Variants in DYNC2H1 observed in about 807,000 individuals in gnomAD.
The protein encoded by DYNC2H1 is dynein cytoplasmic 2 heavy chain 1, also known as cytoplasmic dynein 2 heavy chain 1.
In DYNC2H1, 410 loss-of-function variants were observed where a neutral mutation model predicts 570.0. The ratio of observed to expected loss-of-function variants is 0.72; its 90% CI spans 0.66 to 0.78. The LOEUF is 0.78. DYNC2H1 is among the 30% of genes least tolerant of loss of function. DYNC2H1 has a pLI of 0.00. For missense variants in DYNC2H1, 4,865 were observed against 5,046.4 expected, an observed-to-expected ratio of 0.96 and a Z score of 1.09; for synonymous variants, 1,688 against 1,677.6, an observed-to-expected ratio of 1.01 and a Z score of -0.15.
chr11:103,469,180 A>T (rs1945290353), intron 88 of DYNC2H1, among the ~76,000 whole-genome samples: 1 of 152,226 alleles, frequency 6.6e-6, no homozygotes, highest in South Asian at 2.1e-4. Flanking sequence ...GTGTTAATAG[A>T]TGTATGGCTT....
intron 84 of DYNC2H1, among the ~76,000 whole-genome samples, chr11:103,418,963 T>C (rs1373163612): frequency 6.6e-6 from 1 of 152,140 alleles, no homozygotes. Context: ...TCCAGTCCTG[T>C]GCTACCCAGC....
At chr11:103,291,204 A>G (rs1168163390) in intron 75 of DYNC2H1, among the ~76,000 whole-genome samples, 3 of 152,160 alleles carry the variant, frequency 2.0e-5, no homozygotes, top group Non-Finnish European at 4.4e-5. Flanking sequence ...TTGGGAGGCC[A>G]AGGTGGGCAG....
chr11:103,252,605 G>A lies in DYNC2H1; in HGVS notation c.10043-680G>A, dbSNP rs1014796874. Among the ~76,000 whole-genome samples the A allele has an allele frequency of 1.3e-5, 2 of 152,154 alleles. No individual in the cohort carries two copies. The highest frequency in any genetic ancestry group is 4.8e-5 in the African/African-American group (2 of 41,440). On this transcript the variant is annotated intron_variant, in intron 65 of 88. Coordinates refer to ENST00000375735, the MANE Select transcript of DYNC2H1 (RefSeq NM_001377.3). The surrounding 1 kb of genome is among the most constrained non-coding windows in gnomAD (Gnocchi z 4.6). ...ATTTCCTCATGATAAGTGATGTTGA[G>A]CATCGTTTCATATAGCTGTTGGCCA...
chr11:103,380,031 C>T (rs909880900), intron 83 of DYNC2H1, among the ~76,000 whole-genome samples: 2 of 152,136 alleles, frequency 1.3e-5, no homozygotes, highest in Non-Finnish European at 2.9e-5. Flanking sequence ...TTTAGTTTTA[C>T]AGTTTATCAT....
intron 29 of DYNC2H1, among the ~76,000 whole-genome samples, chr11:103,161,805 T>C (rs1173950931): frequency 6.6e-6 from 1 of 152,136 alleles, no homozygotes; most frequent in African/African-American, 2.4e-5. Context: ...AGTAAACTGA[T>C]CAAAGGCCTA....
intron 85 of DYNC2H1, among the ~76,000 whole-genome samples, chr11:103,445,729 G>T (rs1173662424): frequency 6.6e-6 from 1 of 152,148 alleles, no homozygotes; most frequent in African/African-American, 2.4e-5. Context: ...TCAGCTCATT[G>T]CAAGCTCTGC....
At chr11:103,311,747 CAT>C (rs1867598150) in intron 78 of DYNC2H1, 129 bp from the exon 79 acceptor site, 2 of 783,530 alleles carry the variant, frequency 2.6e-6, no homozygotes, top group African/African-American at 3.6e-5. Context: ...TTTGAAGTAA[CAT>C]AATAATTTAA....
At chr11:103,198,572 G>A (rs1862592476) in intron 48 of DYNC2H1, among the ~76,000 whole-genome samples, 1 of 152,144 alleles carries the variant, frequency 6.6e-6, no homozygotes, top group Non-Finnish European at 1.5e-5. Flanking sequence ...AAACAGTATT[G>A]CAAATGATTG....
chr11:103,471,535 AAT>A (rs1162285964), intron 88 of DYNC2H1, among the ~76,000 whole-genome samples: 73 of 152,320 alleles, frequency 4.8e-4, no homozygotes, highest in African/African-American at 1.7e-3. Context: ...TTGAGGATTA[AAT>A]ATGTTTGTGT....
intron 83 of DYNC2H1, among the ~76,000 whole-genome samples, chr11:103,388,288 G>T (rs1941979546): frequency 6.6e-6 from 1 of 152,088 alleles, no homozygotes; most frequent in Non-Finnish European, 1.5e-5. Flanking sequence ...GTTCACTCAT[G>T]ATTTGGCTCT....
intron 88 of DYNC2H1, 22 bp downstream of exon 88, chr11:103,468,727 C>A: frequency 6.5e-7 from 1 of 1,536,762 alleles, no homozygotes. Flanking sequence ...TTAACAAGCA[C>A]AAGTTTTAAT....
Position 103,163,234 on chromosome 11 carries a change from A to C in DYNC2H1, c.4611+87A>C. ...AAGCCAGGAGGCTCAGATAAATCGC[A>C]TCTGTTTTCTCCCTTTATCTAACAG... is the stretch of plus-strand genomic sequence containing the variant. On this transcript the variant is annotated intron_variant, in intron 30 of 88. Transcript: ENST00000375735. This position sits in a 1 kb window ranked among gnomAD's most constrained non-coding sequence, Gnocchi z 4.6. 1 of 1,430,352 alleles carries C rather than the reference A, an allele frequency of 7.0e-7. No individual in the cohort carries two copies. The highest frequency in any genetic ancestry group is 9.4e-7 in the Non-Finnish European group (1 of 1,069,068). The allele number at this position is 1,430,352 out of a possible 1,614,324, so 88.6% of individuals were successfully genotyped here. A position where few individuals can be genotyped will look rare whatever the true frequency, so the allele number is the denominator to read the frequency against.
At chr11:103,111,601 T>G (rs1188226076) in intron 1 of DYNC2H1, among the ~76,000 whole-genome samples, 2 of 152,154 alleles carry the variant, frequency 1.3e-5, no homozygotes, top group Non-Finnish European at 1.5e-5. Flanking sequence ...CCACTGAAAG[T>G]TCGGATAGAA....
chr11:103,410,837 G>A (rs939817751), intron 84 of DYNC2H1, among the ~76,000 whole-genome samples: 1 of 152,080 alleles, frequency 6.6e-6, no homozygotes, highest in Non-Finnish European at 1.5e-5. Flanking sequence ...TGGCTGGCAC[G>A]AAATTGACCA....
intron 18 of DYNC2H1, among the ~76,000 whole-genome samples, chr11:103,143,753 G>A (rs1220715236): frequency 6.6e-6 from 1 of 152,070 alleles, no homozygotes; most frequent in Admixed American, 6.5e-5. Flanking sequence ...CTCTGCTTTT[G>A]TACTGCTCTG....
At chr11:103,385,758 T>G (rs1941845596) in intron 83 of DYNC2H1, among the ~76,000 whole-genome samples, 1 of 152,188 alleles carries the variant, frequency 6.6e-6, no homozygotes, top group Admixed American at 6.5e-5. Context: ...TTCTTTAAAA[T>G]TCAGTCACAT....
chr11:103,432,225 A>C (rs770869484), intron 84 of DYNC2H1, among the ~76,000 whole-genome samples: 3 of 152,292 alleles, frequency 2.0e-5, no homozygotes, highest in Non-Finnish European at 4.4e-5. Flanking sequence ...GAATAAGAGA[A>C]GACAACACTT....
At chr11:103,447,274 A>G (rs916779815) in intron 85 of DYNC2H1, among the ~76,000 whole-genome samples, 2 of 152,210 alleles carry the variant, frequency 1.3e-5, no homozygotes, top group African/African-American at 4.8e-5. Flanking sequence ...AGGTGGCTAT[A>G]TTAAGGATGG....
chr11:103,178,926 C>T, intron 38 of DYNC2H1, 100 bp from the exon 39 acceptor site: 2 of 1,217,670 alleles, frequency 1.6e-6, no homozygotes. Context: ...ATTTGTAGTA[C>T]AAATTCATAT....
Sources: gnomAD v4.1 joint callset for allele counts (sites outside exome capture counted in the v4.1 genomes callset) on GRCh38, gnomAD v4.1.1 for gene constraint, Gnocchi (gnomAD v3.1) non-coding constraint, MANE v1.5 for transcripts, NCBI Gene and HGNC (gene_info 2026-07-23, HGNC 2026-07-21) for gene names.